Variants in ANKRD28 observed in about 807,000 individuals in gnomAD.
The protein encoded by ANKRD28 is serine/threonine-protein phosphatase 6 regulatory ankyrin repeat subunit A.
A neutral mutation model predicts 126.5 loss-of-function variants in ANKRD28; 44 were observed. That is an observed-to-expected ratio of 0.35 (90% CI 0.27 to 0.45). The LOEUF (loss-of-function observed/expected upper bound fraction) is 0.45. ANKRD28 is among the 20% of genes least tolerant of loss of function. ANKRD28 has a pLI of 1.00. For missense variants in ANKRD28, 1,110 were observed against 1,316.6 expected (o/e 0.84, Z 2.43); for synonymous variants, 442 against 468.5 (o/e 0.94, Z 0.73).
chr3:15,819,092 A>G (rs111738556), intron 1 of ANKRD28, among the ~76,000 whole-genome samples: 6,348 of 152,158 alleles, frequency 0.042, 453 homozygotes, highest in African/African-American at 0.14. Context: ...AGCCTAGGCA[A>G]CATGGCAAGA....
intron 15 of ANKRD28, 103 bp downstream of exon 15, chr3:15,696,031 A>G: frequency 1.2e-6 from 1 of 831,984 alleles, no homozygotes; most frequent in South Asian, 1.6e-5. Flanking sequence ...AAATGTTAAA[A>G]AACAAAATGG....
intron 14 of ANKRD28, 21 bp from the exon 15 acceptor site, chr3:15,696,266 A>AAC: frequency 6.3e-6 from 9 of 1,432,448 alleles, no homozygotes; most frequent in East Asian, 2.4e-5. Context: ...CAACAACAAC[A>AAC]TACTGAAAAT....
chr3:15,819,530 A>C (rs1014323700), intron 1 of ANKRD28, among the ~76,000 whole-genome samples: 1 of 152,214 alleles, frequency 6.6e-6, no homozygotes, highest in Non-Finnish European at 1.5e-5. Flanking sequence ...CTCTAGGTAT[A>C]AACAAAATAA....
Position 15,667,587 on chromosome 3 carries a change from GTTCA to G in ANKRD28, c.*2679_*2682del, listed in dbSNP as rs2066048037. The G allele has an allele frequency of 6.6e-6, 1 of 152,210 alleles. No homozygotes were observed. The highest frequency in any genetic ancestry group is 2.4e-5 in the African/African-American group (1 of 41,444). 9.4% of individuals were successfully genotyped at this position (152,210 alleles called of 1,614,324 possible). ...ATAAAGGAAATTTCTACGGTGCTGT[GTTCA>G]TTCATTCAAGTAATTAATGTACTTA... On this transcript the variant is annotated 3_prime_UTR_variant, in exon 28 of 28. Transcript: ENST00000683139.
At chr3:15,686,405 A>G (rs558042084) in intron 18 of ANKRD28, 96 bp from the exon 19 acceptor site, 2 of 978,328 alleles carry the variant, frequency 2.0e-6, no homozygotes, top group South Asian at 3.0e-5. Flanking sequence ...TACTTTTGGG[A>G]TAGTTGCACT....
At chr3:15,689,886 TAATC>T (rs1168558413) in intron 18 of ANKRD28, 129 bp downstream of exon 18, 1 of 757,088 alleles carries the variant, frequency 1.3e-6, no homozygotes, top group East Asian at 2.7e-5. Flanking sequence ...TGAGGTCAAA[TAATC>T]CATATATGAT....
chr3:15,853,351 T>C lies in ANKRD28; in HGVS notation c.27+6026A>G, dbSNP rs2061693327. 6.6e-6 allele frequency among the ~76,000 whole-genome samples: 1 copy of C among 152,134 alleles called. No homozygotes were observed. Among genetic ancestry groups the C allele is most frequent in the Non-Finnish European group, 1.5e-5 (1 of 68,020 alleles). ...ATGAGTACATTCACTGAATATAAATTTTACATTAGACTAGAAAATTAAAAA... is the reference window on the plus strand; with the variant it reads ...ATGAGTACATTCACTGAATATAAATCTTACATTAGACTAGAAAATTAAAAA... On this transcript the variant is annotated intron_variant, in intron 1 of 27. Transcript: ENST00000399451. The surrounding 1 kb of genome is among the most constrained non-coding windows in gnomAD (Gnocchi z 4.2).
Position 15,853,222 on chromosome 3 carries a change from T to C in ANKRD28, c.27+6155A>G, listed in dbSNP as rs551957277. On this transcript the variant is annotated intron_variant, in intron 1 of 27. Coordinates refer to the ANKRD28 transcript ENST00000399451. This position sits in a 1 kb window ranked among gnomAD's most constrained non-coding sequence, Gnocchi z 4.2. ...TTACTTTGTTACTGATTTGATATGA[T>C]GTGAACCGCCCATAGGATACATTAT... 2.0e-5 allele frequency among the ~76,000 whole-genome samples: 3 copies of C among 152,312 alleles called. No individual in the cohort carries two copies. The South Asian group carries it at 6.2e-4, about 32-fold the overall frequency.
upstream of ANKRD28, among the ~76,000 whole-genome samples, chr3:15,802,534 C>G (rs1351750683): frequency 6.6e-6 from 1 of 152,144 alleles, no homozygotes; most frequent in African/African-American, 2.4e-5. Flanking sequence ...CTTCCAACAT[C>G]CATACTCCAG....
At chr3:15,799,504 C>G (rs2060414022), upstream of ANKRD28, among the ~76,000 whole-genome samples, 1 of 151,806 alleles carries the variant, frequency 6.6e-6, no homozygotes. Context: ...ACTTTTATGC[C>G]AAATTAAAGG....
At chr3:15,778,403 C>CA (rs2059393363) in intron 2 of ANKRD28, among the ~76,000 whole-genome samples, 1 of 152,114 alleles carries the variant, frequency 6.6e-6, no homozygotes, top group African/African-American at 2.4e-5. Flanking sequence ...GCTGTGTTCT[C>CA]ACCTAGAGAC....
At chr3:15,694,476 C>T (rs2069242772) in intron 17 of ANKRD28, among the ~76,000 whole-genome samples, 1 of 151,946 alleles carries the variant, frequency 6.6e-6, no homozygotes, top group Non-Finnish European at 1.5e-5. Context: ...CCCTTTCTCT[C>T]CCCAGAAGGC....
intron 2 of ANKRD28, among the ~76,000 whole-genome samples, chr3:15,788,883 T>G (rs1223342334): frequency 6.6e-6 from 1 of 151,968 alleles, no homozygotes; most frequent in Non-Finnish European, 1.5e-5. Flanking sequence ...AGATCATTAA[T>G]GTAACCCTAC....
In ANKRD28 at chr3:15,839,275, TA is replaced by T. The variant is rs751785303; in HGVS notation, c.27+20101del. On this transcript the variant is annotated intron_variant, in intron 1 of 27. Coordinates refer to the ANKRD28 transcript ENST00000399451. The surrounding 1 kb of genome is among the most constrained non-coding windows in gnomAD (Gnocchi z 4.3). ...TATAAATTATACCTCAATAAACTGT[TA>T]AAAAAAAAACACACTGATCTAACCA... Among the ~76,000 whole-genome samples the T allele has an allele frequency of 1.1e-4, 16 of 148,176 alleles. No homozygotes were observed. Among genetic ancestry groups the T allele is most frequent in the Admixed American group, 2.0e-4 (3 of 14,868 alleles).
At chr3:15,799,310 T>C (rs1169054498), upstream of ANKRD28, among the ~76,000 whole-genome samples, 87 of 137,052 alleles carry the variant, frequency 6.3e-4, 1 homozygote, top group Non-Finnish European at 7.7e-5. Context: ...CTTAAAACCA[T>C]AAAAAGGAAA....
rs375073303 is a variant in ANKRD28 at position 15,714,551 on chromosome 3, CAA to C, written c.1075+25_1075+26del. ...ATTTAAGAAAAAAAAAAAAAAACCC[CAA>C]AAAAAAAACAGAAATACTTTTTACC... On this transcript the variant is annotated intron_variant, in intron 9 of 27. Coordinates refer to ENST00000683139, the MANE Select transcript of ANKRD28 (RefSeq NM_001349278.2). The C allele has an allele frequency of 9.8e-6, 11 of 1,119,976 alleles. No individual in the cohort carries two copies. In the African/African-American group the frequency reaches 1.2e-4, roughly 12 times the overall value. The allele number at this position is 1,119,976 out of a possible 1,614,324, so 69.4% of individuals were successfully genotyped here. A position where few individuals can be genotyped will look rare whatever the true frequency, so the allele number is the denominator to read the frequency against.
intron 14 of ANKRD28, among the ~76,000 whole-genome samples, chr3:15,706,888 C>A (rs1222600549): frequency 6.6e-6 from 1 of 152,070 alleles, no homozygotes; most frequent in Non-Finnish European, 1.5e-5. Flanking sequence ...TAAATGTCTT[C>A]TTTAGAGAAG....
chr3:15,756,636 G>A (rs531570705), intron 3 of ANKRD28: 2 of 334,286 alleles, frequency 6.0e-6, no homozygotes, highest in South Asian at 2.4e-4. Context: ...TGACCTGGAA[G>A]TGTTTCCTGG....
chr3:15,667,443 T>C lies in ANKRD28; in HGVS notation c.*2827A>G, dbSNP rs1035350644. 6.6e-6 allele frequency: 1 copy of C among 152,216 alleles called. No individual in the cohort carries two copies. Among genetic ancestry groups the C allele is most frequent in the Non-Finnish European group, 1.5e-5 (1 of 68,044 alleles). 9.4% of individuals were successfully genotyped at this position (152,216 alleles called of 1,614,324 possible). A position where few individuals can be genotyped will look rare whatever the true frequency, so the allele number is the denominator to read the frequency against. ...CTGGTATTATAATACACATCAGATA[T>C]TTCAGATGTCATCTTTTATGTATAA... On this transcript the variant is annotated 3_prime_UTR_variant, in exon 28 of 28. Coordinates refer to ENST00000683139, the MANE Select transcript of ANKRD28 (RefSeq NM_001349278.2).
Sources: allele counts gnomAD v4.1 joint callset (sites outside exome capture counted in the v4.1 genomes callset), GRCh38; gene constraint gnomAD v4.1.1; non-coding constraint Gnocchi (gnomAD v3.1); transcripts MANE v1.5; gene names NCBI Gene and HGNC (gene_info 2026-07-23, HGNC 2026-07-21).